Variants in ENTPD5 observed in about 807,000 individuals in gnomAD.
The protein encoded by ENTPD5 is ectonucleoside triphosphate diphosphohydrolase 5 (inactive).
Under a neutral mutation model 60.2 loss-of-function variants are expected in ENTPD5, and 49 were observed. The ratio of observed to expected loss-of-function variants is 0.81; its 90% confidence interval spans 0.65 to 1.03. The LOEUF (loss-of-function observed/expected upper bound fraction) is 1.03, where lower values mean the gene tolerates loss of function less well. Among genes scored for constraint, ENTPD5 ranks in the 50% least tolerant of loss-of-function variants. ENTPD5 has a pLI of 0.00. For missense variants in ENTPD5, 480 were observed against 507.6 expected, an observed-to-expected ratio of 0.95 and a Z score of 0.52; for synonymous variants, 187 against 185.4, an observed-to-expected ratio of 1.01 and a Z score of -0.07.
At chr14:73,999,811 C>T (rs2072998054) in intron 3 of ENTPD5, among the ~76,000 whole-genome samples, 1 of 149,792 alleles carries the variant, frequency 6.7e-6, no homozygotes, top group South Asian at 2.1e-4. Context: ...GGTAAAGGGC[C>T]GGGCGCAGTA....
chr14:74,004,737 G>A (rs1018201279), intron 3 of ENTPD5, among the ~76,000 whole-genome samples: 4 of 152,076 alleles, frequency 2.6e-5, no homozygotes, highest in African/African-American at 9.7e-5. Context: ...TTCCTCCAGA[G>A]CAGTCAATCC....
At chr14:73,955,509 G>A (rs778339208), downstream of ENTPD5, 1 of 1,613,808 alleles carries the variant, frequency 6.2e-7, no homozygotes, top group South Asian at 1.1e-5. Flanking sequence ...GGCGAATGCA[G>A]GTGCCCCTTT....
At chr14:73,961,015 G>T, downstream of ENTPD5, 2 of 830,478 alleles carry the variant, frequency 2.4e-6, no homozygotes, top group Non-Finnish European at 3.9e-6. Context: ...ATGAGAAGTT[G>T]CTTTGCACTT....
rs572654463 is a variant in ENTPD5, at chr14:73,970,307, C to A, written c.1085-182G>T. Among the ~76,000 whole-genome samples, 51 of 152,200 alleles carry A rather than the reference C, an allele frequency of 3.4e-4. No homozygotes were observed. In the Middle Eastern group the frequency reaches 0.01, roughly 30 times the overall value. Reference sequence around the variant, plus strand: ...AGGAGTTTGAGATCAGCCTGGCCAACGTGGTGAAACCCCATCTCTACTAAA... The same window carrying A: ...AGGAGTTTGAGATCAGCCTGGCCAAAGTGGTGAAACCCCATCTCTACTAAA... On this transcript the variant is annotated intron_variant, in intron 14 of 15. Coordinates refer to ENST00000334696, the MANE Select transcript of ENTPD5 (RefSeq NM_001249.5).
intron 8 of ENTPD5, among the ~76,000 whole-genome samples, chr14:73,976,637 G>A (rs2057458220): frequency 6.7e-6 from 1 of 148,872 alleles, no homozygotes; most frequent in Non-Finnish European, 1.5e-5. Context: ...ACAGAGTCTT[G>A]CTCTATCATC....
chr14:73,969,952 T>G, intron 15 of ENTPD5, 58 bp downstream of exon 15: 1 of 1,213,192 alleles, frequency 8.2e-7, no homozygotes, highest in Non-Finnish European at 1.2e-6. Context: ...AAGCTCTTAC[T>G]CCTTCTCAAC....
At chr14:73,998,177 A>C (rs987798804) in intron 3 of ENTPD5, among the ~76,000 whole-genome samples, 2 of 152,142 alleles carry the variant, frequency 1.3e-5, no homozygotes, top group Non-Finnish European at 2.9e-5. Context: ...AGGGGTGCTG[A>C]GGGCAGTCAC....
At position 73,998,612 on chromosome 14, in the gene ENTPD5, T is replaced by G. The variant is rs558881073; in HGVS notation, c.-70-10440A>C. On this transcript the variant is annotated intron_variant, in intron 3 of 15. Coordinates refer to ENST00000334696, the MANE Select transcript of ENTPD5 (RefSeq NM_001249.5). ...AAAAAATACATGTCCATAAATTACC[T>G]CTATAAAGTGAAAATGTGTCAAGCA... Among the ~76,000 whole-genome samples the G allele has an allele frequency of 2.6e-5, 4 of 152,050 alleles. No individual in the cohort carries two copies. In the South Asian group the frequency reaches 8.3e-4, roughly 32 times the overall value.
intron 3 of ENTPD5, among the ~76,000 whole-genome samples, chr14:74,010,406 T>G (rs2058811532): frequency 6.6e-6 from 1 of 151,944 alleles, no homozygotes; most frequent in African/African-American, 2.4e-5. Flanking sequence ...AATACAAAAT[T>G]AGTCAGGCAT....
chr14:74,017,614 G>A (rs943343577), intron 1 of ENTPD5, among the ~76,000 whole-genome samples: 1 of 151,414 alleles, frequency 6.6e-6, no homozygotes, highest in Non-Finnish European at 1.5e-5. Flanking sequence ...GCCGGGGGCG[G>A]TGGCTCATGC....
intron 3 of ENTPD5, among the ~76,000 whole-genome samples, chr14:73,996,979 C>A (rs55924081): frequency 0.027 from 4,050 of 152,040 alleles, 173 homozygotes; most frequent in African/African-American, 0.086. Flanking sequence ...AGCAAACCAA[C>A]GACTGTAATG....
intron 2 of ENTPD5, among the ~76,000 whole-genome samples, chr14:74,011,803 T>G (rs191934027): frequency 6.6e-6 from 1 of 152,090 alleles, no homozygotes; most frequent in Non-Finnish European, 1.5e-5. Flanking sequence ...CACAGTATGA[T>G]CAATGAGTGG....
At chr14:73,982,635 A>C (rs1159957925) in intron 6 of ENTPD5, among the ~76,000 whole-genome samples, 1 of 152,050 alleles carries the variant, frequency 6.6e-6, no homozygotes, top group Non-Finnish European at 1.5e-5. Flanking sequence ...AGGTGCCTGT[A>C]GTCCCAGCTA....
chr14:73,995,585 A>AAATAATAATGAT (rs2058313864), intron 3 of ENTPD5, among the ~76,000 whole-genome samples: 1 of 144,212 alleles, frequency 6.9e-6, no homozygotes, highest in Non-Finnish European at 1.5e-5. Flanking sequence ...ACTCTATCTC[A>AAATAATAATGAT]AATAATAATA....
At chr14:73,989,484 G>A (rs1339416825) in intron 3 of ENTPD5, among the ~76,000 whole-genome samples, 1 of 150,840 alleles carries the variant, frequency 6.6e-6, no homozygotes, top group African/African-American at 2.4e-5. Flanking sequence ...GATCACCTGA[G>A]GTCAGGAGTT....
At chr14:73,977,473 A>C (rs1214616547) in intron 6 of ENTPD5, 99 bp from the exon 7 acceptor site, 6 of 877,950 alleles carry the variant, frequency 6.8e-6, no homozygotes, top group Non-Finnish European at 1.0e-5. Context: ...AAACTACTCC[A>C]TTTTTCCTAG....
intron 8 of ENTPD5, among the ~76,000 whole-genome samples, chr14:73,976,787 G>T (rs2057463177): frequency 6.6e-6 from 1 of 152,032 alleles, no homozygotes; most frequent in Non-Finnish European, 1.5e-5. Context: ...TGTATTTTTG[G>T]TAGAGACGGA....
At chr14:73,962,113 A>G (rs1168167098), downstream of ENTPD5, among the ~76,000 whole-genome samples, 1 of 151,254 alleles carries the variant, frequency 6.6e-6, no homozygotes, top group African/African-American at 2.4e-5. Context: ...ACACCCGGCT[A>G]ATTTTCTTAT....
downstream of ENTPD5, chr14:73,958,219 C>T (rs1170799064): frequency 6.2e-7 from 1 of 1,613,980 alleles, no homozygotes; most frequent in Non-Finnish European, 8.5e-7. Flanking sequence ...ATGGCCGACT[C>T]CAGCCCTTGG....
Sources: allele counts gnomAD v4.1 joint callset (sites outside exome capture counted in the v4.1 genomes callset), GRCh38; gene constraint gnomAD v4.1.1; transcripts MANE v1.5; gene names NCBI Gene and HGNC (gene_info 2026-07-23, HGNC 2026-07-21).